The following ASB18 variants were observed in gnomAD, a reference collection of about 807,000 sequenced individuals.
ASB18 encodes the protein ankyrin repeat and SOCS box containing 18.
In ASB18, 33 loss-of-function variants were observed where a neutral mutation model predicts 33.4. The observed-to-expected ratio is 0.99, with a 90% confidence interval of 0.75 to 1.32. The LOEUF is 1.32. Among genes scored for constraint, ASB18 ranks in the 40% most tolerant of loss-of-function variants. The pLI is 0.00. For synonymous variants in ASB18, 295 were observed against 307.6 expected (o/e 0.96, Z 0.43); for missense variants, 694 against 655.5 (o/e 1.06, Z -0.64).
Position 236,217,024 on chromosome 2 carries a change from C to G in ASB18, c.597-2158G>C, listed in dbSNP as rs1052321710. Reference sequence around the variant, plus strand: ...CCCATCTTTCCTTCCTCTTGGAAGCCTTCCTGTGCCACCAGGTAGAGGGGT... The same window carrying G: ...CCCATCTTTCCTTCCTCTTGGAAGCGTTCCTGTGCCACCAGGTAGAGGGGT... On this transcript the variant is annotated intron_variant, in intron 3 of 5. Coordinates refer to ENST00000409749, the MANE Select transcript of ASB18 (RefSeq NM_212556.4). The surrounding 1 kb of genome is among the most constrained non-coding windows in gnomAD (Gnocchi z 5.2). 2.0e-5 allele frequency among the ~76,000 whole-genome samples: 3 copies of G among 152,196 alleles called. No individual in the cohort carries two copies. Among genetic ancestry groups the G allele is most frequent in the African/African-American group, 7.2e-5 (3 of 41,446 alleles).
At chr2:236,254,856 G>T (rs2060684818) in intron 1 of ASB18, among the ~76,000 whole-genome samples, 1 of 152,092 alleles carries the variant, frequency 6.6e-6, no homozygotes, top group South Asian at 2.1e-4. Context: ...GGGGCCTGGT[G>T]GGAGGTGATG....
rs368012989 is a variant in ASB18, at chr2:236,199,411, C to CAA, written c.1102-3028_1102-3027dup. Among the ~76,000 whole-genome samples the CAA allele has an allele frequency of 3.5e-3, 401 of 113,116 alleles. 6 individuals carry two copies. The highest frequency in any genetic ancestry group is 9.4e-3 in the African/African-American group (351 of 37,404). The allele number at this position is 113,116 out of a possible 152,430, so 74.2% of individuals were successfully genotyped here. A position where few individuals can be genotyped will look rare whatever the true frequency, so the allele number is the denominator to read the frequency against. On this transcript the variant is annotated intron_variant, in intron 4 of 5. Coordinates refer to ENST00000409749, the MANE Select transcript of ASB18 (RefSeq NM_212556.4). ...TGGGTGACAGGGTGAGACTCTGTTTCAAAAAAAAAAAAAAAAAGAAAAAGA... is the reference window on the plus strand; with the variant it reads ...TGGGTGACAGGGTGAGACTCTGTTTCAAAAAAAAAAAAAAAAAAAGAAAAAGA...
At position 236,211,188 on chromosome 2, in the gene ASB18, G is replaced by A. The variant is rs1416515381; in HGVS notation, c.1101+3174C>T. 1.3e-5 allele frequency among the ~76,000 whole-genome samples: 2 copies of A among 152,190 alleles called. No homozygotes were observed. Among genetic ancestry groups the A allele is most frequent in the Non-Finnish European group, 2.9e-5 (2 of 68,032 alleles). On this transcript the variant is annotated intron_variant, in intron 4 of 5. Coordinates refer to ENST00000409749, the MANE Select transcript of ASB18 (RefSeq NM_212556.4). The surrounding 1 kb of genome is among the most constrained non-coding windows in gnomAD (Gnocchi z 5.0). ...CTGCCTTCCTACCTGCTGTCCAACA[G>A]GCCCAGCCCCAGCCTGCCCTGACAT...
rs376502575 is a variant in ASB18, at chr2:236,251,980, T to C, written c.206-10578A>G. Among the ~76,000 whole-genome samples, 1 of 152,168 alleles carries C rather than the reference T, an allele frequency of 6.6e-6. No homozygotes were observed. The highest frequency in any genetic ancestry group is 6.5e-5 in the Admixed American group (1 of 15,286). ...ACAAGAAGCTTACAGAAATAAATAGTAGAAATCTGGCCGGGCATGGTGGCT... is the reference window on the plus strand; with the variant it reads ...ACAAGAAGCTTACAGAAATAAATAGCAGAAATCTGGCCGGGCATGGTGGCT... On this transcript the variant is annotated intron_variant, in intron 1 of 5. Coordinates refer to ENST00000409749, the MANE Select transcript of ASB18 (RefSeq NM_212556.4). The surrounding 1 kb of genome is among the most constrained non-coding windows in gnomAD (Gnocchi z 5.3).
chr2:236,214,800 C>T lies in ASB18; in HGVS notation c.663G>A (p.Thr221=). 1 of 1,209,308 alleles carries T rather than the reference C, an allele frequency of 8.3e-7. No individual in the cohort carries two copies. Among genetic ancestry groups the T allele is most frequent in the Non-Finnish European group, 1.0e-6 (1 of 972,968 alleles). 74.9% of individuals were successfully genotyped at this position (1,209,308 alleles called of 1,614,324 possible). The change falls in exon 4 of 6, where the codon ACG becomes ACA. Residue 221 remains threonine, a synonymous_variant. Transcript: ENST00000409749. This position sits in a 1 kb window ranked among gnomAD's most constrained non-coding sequence, Gnocchi z 6.5. ...CGCGCTGCGCCGCCACGTGCAGCGG[C>T]GTGTCCCGGCCCGTGCCGCCCACGC... The part of the protein sequence containing the change: ...VQRVGGTGRD[T]PLHVAAQRGL...
In ASB18 at chr2:236,245,452, C is replaced by T. The variant is rs1392274513; in HGVS notation, c.206-4050G>A. Reference sequence around the variant, plus strand: ...AAAGGGCTTCCTACCTTGCCCTCACCGTTGTCCCTGGAGCATGCCACACCT... The same window carrying T: ...AAAGGGCTTCCTACCTTGCCCTCACTGTTGTCCCTGGAGCATGCCACACCT... On this transcript the variant is annotated intron_variant, in intron 1 of 5. Transcript: ENST00000409749. This position sits in a 1 kb window ranked among gnomAD's most constrained non-coding sequence, Gnocchi z 4.7. 1.3e-5 allele frequency among the ~76,000 whole-genome samples: 2 copies of T among 152,214 alleles called. No individual in the cohort carries two copies. The highest frequency in any genetic ancestry group is 2.9e-5 in the Non-Finnish European group (2 of 68,036).
chr2:236,208,139 G>A lies in ASB18; in HGVS notation c.1101+6223C>T, dbSNP rs1330049775. On this transcript the variant is annotated intron_variant, in intron 4 of 5. Coordinates refer to ENST00000409749, the MANE Select transcript of ASB18 (RefSeq NM_212556.4). The surrounding 1 kb of genome is among the most constrained non-coding windows in gnomAD (Gnocchi z 7.7). ...ACTGTCACTGAGTCAGGCTTGGCAG[G>A]CTTTACGGAAAGAGAGAGACAGAGC... Among the ~76,000 whole-genome samples the A allele has an allele frequency of 6.6e-6, 1 of 152,042 alleles. No individual in the cohort carries two copies.
intron 3 of ASB18, among the ~76,000 whole-genome samples, chr2:236,236,845 G>A (rs1248547222): frequency 6.6e-6 from 1 of 152,220 alleles, no homozygotes; most frequent in Non-Finnish European, 1.5e-5. Context: ...TTCCCCCAGA[G>A]ACAGAAGGCC....
intron 3 of ASB18, among the ~76,000 whole-genome samples, chr2:236,227,435 G>C (rs1391864171): frequency 1.3e-5 from 2 of 152,148 alleles, no homozygotes; most frequent in Non-Finnish European, 2.9e-5. Context: ...GCTCTTCTAA[G>C]CAAATTAGCT....
At position 236,195,261 on chromosome 2, in the gene ASB18, C is replaced by T. The variant is rs1444992551; in HGVS notation, c.1216-204G>A. The stretch of plus-strand genomic sequence containing the variant: ...TGCTCTCCCAAAGCACAGTTCCTGC[C>T]GAGTGAGAGGGGATTCTGACTGGGG... On this transcript the variant is annotated intron_variant, in intron 5 of 5. Coordinates refer to ENST00000409749, the MANE Select transcript of ASB18 (RefSeq NM_212556.4). This position sits in a 1 kb window ranked among gnomAD's most constrained non-coding sequence, Gnocchi z 5.5. Among the ~76,000 whole-genome samples the T allele has an allele frequency of 6.6e-6, 1 of 152,194 alleles. No homozygotes were observed. Among genetic ancestry groups the T allele is most frequent in the African/African-American group, 2.4e-5 (1 of 41,464 alleles).
In ASB18 at chr2:236,237,858, C is replaced by A; in HGVS notation, c.427G>T (p.Gly143Cys). 6.9e-7 allele frequency: 1 copy of A among 1,454,768 alleles called. No homozygotes were observed. 90.1% of individuals were successfully genotyped at this position (1,454,768 alleles called of 1,614,324 possible). ...CCGGGGCTGGCGTCTGGGTCTGCGC[C>A]GCGGCCGAGCAGGTGTCGCACGCAG... ...TACVRHLLGR[G>C]ADPDASPGGR... is the part of the protein sequence containing the mutation. The change falls in exon 3 of 6, where the codon GGC becomes TGC. Residue 143 changes from glycine (G) to cysteine (C), a missense_variant. Transcript: ENST00000409749. The surrounding 1 kb of genome is among the most constrained non-coding windows in gnomAD (Gnocchi z 6.2).
rs1318934872 is a variant in ASB18, at chr2:236,250,944, C to T, written c.206-9542G>A. On this transcript the variant is annotated intron_variant, in intron 1 of 5. Transcript: ENST00000409749. This position sits in a 1 kb window ranked among gnomAD's most constrained non-coding sequence, Gnocchi z 4.1. Reference sequence around the variant, plus strand: ...ACAAAACATTAAAACATTTTACTTCCTCAGATCAAGTGCATCTATTAATAA... The same window carrying T: ...ACAAAACATTAAAACATTTTACTTCTTCAGATCAAGTGCATCTATTAATAA... Among the ~76,000 whole-genome samples, 2 of 152,176 alleles carry T rather than the reference C, an allele frequency of 1.3e-5. No homozygotes were observed. The highest frequency in any genetic ancestry group is 4.8e-5 in the African/African-American group (2 of 41,436).
Position 236,259,474 on chromosome 2 carries a change from G to A in ASB18, c.205+4667C>T, listed in dbSNP as rs1254357620. ...AGCAAGGCCATGCACTTCCGTAATG[G>A]ATGGAGACTAAGGGCTTTATGCTTT... On this transcript the variant is annotated intron_variant, in intron 1 of 5. Transcript: ENST00000409749. The surrounding 1 kb of genome is among the most constrained non-coding windows in gnomAD (Gnocchi z 4.4). 2.1e-6 allele frequency: 1 copy of A among 469,554 alleles called. No individual in the cohort carries two copies. The highest frequency in any genetic ancestry group is 2.0e-5 in the African/African-American group (1 of 50,198). 29.1% of individuals were successfully genotyped at this position (469,554 alleles called of 1,614,324 possible).
Position 236,221,340 on chromosome 2 carries a change from A to G in ASB18, c.597-6474T>C, listed in dbSNP as rs10201167. ...GGACATTGCTTCTGAACATTTTGTT[A>G]GTAATGTTAAACATCTCATATGGTT... On this transcript the variant is annotated intron_variant, in intron 3 of 5. Transcript: ENST00000409749. This position sits in a 1 kb window ranked among gnomAD's most constrained non-coding sequence, Gnocchi z 5.6. 0.17 allele frequency among the ~76,000 whole-genome samples: 25,163 copies of G among 152,176 alleles called. 2,352 individuals are homozygous for G. Among genetic ancestry groups the G allele is most frequent in the African/African-American group, 0.25 (10,551 of 41,478 alleles).
rs529748317 is a variant in ASB18 at position 236,260,756 on chromosome 2, G to A, written c.205+3385C>T. On this transcript the variant is annotated intron_variant, in intron 1 of 5. Transcript: ENST00000409749. The surrounding 1 kb of genome is among the most constrained non-coding windows in gnomAD (Gnocchi z 5.1). ...TGAAAGTGAGGTTCTGGGTTGAGAT[G>A]AGAAACCGTGCCAAATGCAATTGCA... 4.2e-4 allele frequency among the ~76,000 whole-genome samples: 64 copies of A among 152,286 alleles called. No homozygotes were observed. The highest frequency in any genetic ancestry group is 1.5e-3 in the African/African-American group (62 of 41,568).
chr2:236,218,328 T>G (rs2060497002), intron 3 of ASB18, among the ~76,000 whole-genome samples: 1 of 151,952 alleles, frequency 6.6e-6, no homozygotes, highest in Non-Finnish European at 1.5e-5. Flanking sequence ...AAACAACAAA[T>G]TGACTGGGGC....
chr2:236,262,880 C>A lies in ASB18; in HGVS notation c.205+1261G>T, dbSNP rs2060725961. ...AGGCAGCCCAGAAAGTAGACCCAAA[C>A]CAAGGGGGGGGGGCGGACCCCCTCG... On this transcript the variant is annotated intron_variant, in intron 1 of 5. Coordinates refer to ENST00000409749, the MANE Select transcript of ASB18 (RefSeq NM_212556.4). This position sits in a 1 kb window ranked among gnomAD's most constrained non-coding sequence, Gnocchi z 5.2. 2.2e-5 allele frequency among the ~76,000 whole-genome samples: 1 copy of A among 45,250 alleles called. No individual in the cohort carries two copies. Among genetic ancestry groups the A allele is most frequent in the Non-Finnish European group, 4.7e-5 (1 of 21,338 alleles). The allele number at this position is 45,250 out of a possible 152,430, so 29.7% of individuals were successfully genotyped here.
rs2060422534 is a variant in ASB18, at chr2:236,204,325, C to T, written c.1102-7940G>A. On this transcript the variant is annotated intron_variant, in intron 4 of 5. Coordinates refer to ENST00000409749, the MANE Select transcript of ASB18 (RefSeq NM_212556.4). This position sits in a 1 kb window ranked among gnomAD's most constrained non-coding sequence, Gnocchi z 5.1. ...ACGATGTCTTCCACCTCAATGCAGC[C>T]TTCACTTGGCTTTGAGGAAGGTGTG... is the stretch of plus-strand genomic sequence containing the variant. Among the ~76,000 whole-genome samples the T allele has an allele frequency of 6.6e-6, 1 of 152,158 alleles. No individual in the cohort carries two copies. The highest frequency in any genetic ancestry group is 1.5e-5 in the Non-Finnish European group (1 of 68,038).
At chr2:236,198,024 C>T (rs1002016904) in intron 4 of ASB18, among the ~76,000 whole-genome samples, 1 of 152,140 alleles carries the variant, frequency 6.6e-6, no homozygotes, top group South Asian at 2.1e-4. Flanking sequence ...GAACCACTAC[C>T]GGGGCCTGCC....
Sources: gnomAD v4.1 joint callset for allele counts (sites outside exome capture counted in the v4.1 genomes callset) on GRCh38, gnomAD v4.1.1 for gene constraint, Gnocchi (gnomAD v3.1) non-coding constraint, MANE v1.5 for transcripts, NCBI Gene and HGNC (gene_info 2026-07-23, HGNC 2026-07-21) for gene names.